CADPS: variants seen among roughly 807,000 people sequenced by gnomAD.
CADPS encodes calcium-dependent secretion activator 1.
Under a neutral mutation model 167.3 loss-of-function variants are expected in CADPS, and 57 were observed. The ratio of observed to expected loss-of-function variants is 0.34; its 90% CI spans 0.28 to 0.42. The LOEUF is 0.42. Ranked by LOEUF, CADPS falls within the 20% of genes least tolerant of loss-of-function variation. The pLI is 1.00. For synonymous variants in CADPS, 676 were observed against 635.3 expected (o/e 1.06, Z -0.96); for missense variants, 1,414 against 1,738.1 (o/e 0.81, Z 3.32).
chr3:62,511,778 C>T (rs2067890459), intron 17 of CADPS, among the ~76,000 whole-genome samples: 1 of 152,056 alleles, frequency 6.6e-6, no homozygotes, highest in South Asian at 2.1e-4. Flanking sequence ...CATATATAGA[C>T]CCATTTGCAT....
At chr3:62,525,916 G>A (rs888067411) in intron 13 of CADPS, among the ~76,000 whole-genome samples, 12 of 152,122 alleles carry the variant, frequency 7.9e-5, no homozygotes, top group African/African-American at 2.4e-4. Context: ...GTGGTCCAGA[G>A]GAGAGAAGAT....
chr3:62,836,903 G>T (rs2075978316), intron 1 of CADPS, among the ~76,000 whole-genome samples: 1 of 152,226 alleles, frequency 6.6e-6, no homozygotes, highest in Non-Finnish European at 1.5e-5. Context: ...GATGTCTATA[G>T]TAATTAAGTT....
chr3:62,572,366 AC>A (rs1407233227), intron 8 of CADPS, among the ~76,000 whole-genome samples: 1 of 151,590 alleles, frequency 6.6e-6, no homozygotes, highest in Non-Finnish European at 1.5e-5. Context: ...TTCAGTCCCC[AC>A]CCACATTTTT....
At position 62,412,137 on chromosome 3, in the gene CADPS, G is replaced by A. The variant is rs2049068409; in HGVS notation, c.3778-8952C>T. Among the ~76,000 whole-genome samples, 1 of 142,896 alleles carries A rather than the reference G, an allele frequency of 7.0e-6. No individual in the cohort carries two copies. The highest frequency in any genetic ancestry group is 1.5e-5 in the Non-Finnish European group (1 of 65,762). The allele number at this position is 142,896 out of a possible 152,430, so 93.7% of individuals were successfully genotyped here. A position where few individuals can be genotyped will look rare whatever the true frequency, so the allele number is the denominator to read the frequency against. On this transcript the variant is annotated intron_variant, in intron 28 of 29. Coordinates refer to ENST00000383710, the MANE Select transcript of CADPS (RefSeq NM_003716.4). This position sits in a 1 kb window ranked among gnomAD's most constrained non-coding sequence, Gnocchi z 4.1. ...GCTGCCCTAAGTGTCATTTTTAGTT[G>A]AGGGTAGGATTTTTTTTTTTTTTTT...
intron 26 of CADPS, among the ~76,000 whole-genome samples, chr3:62,459,969 A>G (rs959862021): frequency 1.3e-5 from 2 of 152,180 alleles, no homozygotes; most frequent in African/African-American, 4.8e-5. Context: ...TGAAAAATAG[A>G]TGACTCTTTC....
intron 7 of CADPS, among the ~76,000 whole-genome samples, chr3:62,589,138 T>C (rs1218134816): frequency 1.3e-5 from 2 of 151,944 alleles, no homozygotes; most frequent in African/African-American, 2.4e-5. Context: ...CAAAAAGTGG[T>C]TGAATAAGTA....
intron 22 of CADPS, among the ~76,000 whole-genome samples, chr3:62,480,236 T>C (rs945539659): frequency 1.4e-4 from 21 of 152,342 alleles, no homozygotes; most frequent in Middle Eastern, 3.4e-3. Flanking sequence ...CGGAGACCAT[T>C]ATCTGCTTTA....
chr3:62,741,533 T>C (rs1233478039), intron 3 of CADPS, among the ~76,000 whole-genome samples: 4 of 152,208 alleles, frequency 2.6e-5, no homozygotes, highest in African/African-American at 4.8e-5. Flanking sequence ...CACATGACTA[T>C]CTCAATAGAT....
chr3:62,465,048 C>G lies in CADPS; in HGVS notation c.3636+319G>C, dbSNP rs1476231260. 6.6e-6 allele frequency among the ~76,000 whole-genome samples: 1 copy of G among 152,084 alleles called. No homozygotes were observed. Among genetic ancestry groups the G allele is most frequent in the Non-Finnish European group, 1.5e-5 (1 of 68,014 alleles). On this transcript the variant is annotated intron_variant, in intron 26 of 29. Transcript: ENST00000383710. The surrounding 1 kb of genome is among the most constrained non-coding windows in gnomAD (Gnocchi z 4.1). ...TTATTTACAGATGAGGAAATGGTGGCCCACATTAAGTCATTTGCCAGAGCT... is the reference window on the plus strand; with the variant it reads ...TTATTTACAGATGAGGAAATGGTGGGCCACATTAAGTCATTTGCCAGAGCT...
intron 3 of CADPS, among the ~76,000 whole-genome samples, chr3:62,716,814 A>G (rs2084745533): frequency 6.6e-6 from 1 of 152,200 alleles, no homozygotes; most frequent in Non-Finnish European, 1.5e-5. Flanking sequence ...TGGAGACATC[A>G]CAAGATCTTG....
chr3:62,438,166 G>A lies in CADPS; in HGVS notation c.3715C>T (p.His1239Tyr). The change falls in exon 28 of 30, where the codon CAT becomes TAT. Residue 1239 changes from histidine (H) to tyrosine (Y), a missense_variant. Transcript: ENST00000383710. The surrounding 1 kb of genome is among the most constrained non-coding windows in gnomAD (Gnocchi z 4.7). ...VADAYVTFVR[H>Y]SQDVLRDKVN... ...TTATCACGCAGGACATCCTGAGAAT[G>A]GCGGACGAAAGTCACGTAGGCGTCG... 6.2e-7 allele frequency: 1 copy of A among 1,613,706 alleles called. No individual in the cohort carries two copies.
At chr3:62,428,063 A>T (rs962882168) in intron 28 of CADPS, among the ~76,000 whole-genome samples, 1 of 152,170 alleles carries the variant, frequency 6.6e-6, no homozygotes, top group Non-Finnish European at 1.5e-5. Flanking sequence ...ATGGCAAGTG[A>T]CACTATCATT....
chr3:62,795,359 C>T (rs1238688087), intron 1 of CADPS, among the ~76,000 whole-genome samples: 1 of 152,108 alleles, frequency 6.6e-6, no homozygotes, highest in Non-Finnish European at 1.5e-5. Context: ...AAAAAATACT[C>T]TTGTTAGCAT....
chr3:62,786,889 TG>T (rs1332680432), intron 1 of CADPS, among the ~76,000 whole-genome samples: 29 of 152,102 alleles, frequency 1.9e-4, no homozygotes, highest in African/African-American at 7.0e-4. Flanking sequence ...GAGTAGTTGG[TG>T]GGTAGAATTG....
intron 1 of CADPS, among the ~76,000 whole-genome samples, chr3:62,786,189 G>A: frequency 6.6e-6 from 1 of 152,008 alleles, no homozygotes; most frequent in East Asian, 1.9e-4. Flanking sequence ...TTCCAGCCTG[G>A]GGGACAGAGC....
chr3:62,567,478 T>C (rs1236657193), intron 9 of CADPS, among the ~76,000 whole-genome samples: 3 of 148,850 alleles, frequency 2.0e-5, no homozygotes, highest in Non-Finnish European at 4.5e-5. Flanking sequence ...AGGCCAGGCA[T>C]GCTCCCAAGT....
intron 6 of CADPS, among the ~76,000 whole-genome samples, chr3:62,638,307 C>G (rs935844254): frequency 6.6e-6 from 1 of 151,916 alleles, no homozygotes; most frequent in Non-Finnish European, 1.5e-5. Flanking sequence ...AGAATTTCCC[C>G]CTCATTCTAT....
intron 28 of CADPS, among the ~76,000 whole-genome samples, chr3:62,408,622 G>A (rs60052335): frequency 0.025 from 3,801 of 152,160 alleles, 80 homozygotes; most frequent in African/African-American, 0.058. Context: ...TTGCTACTGC[G>A]GTTATGTCTT....
At chr3:62,685,771 C>A (rs1435617629) in intron 3 of CADPS, among the ~76,000 whole-genome samples, 4 of 151,966 alleles carry the variant, frequency 2.6e-5, no homozygotes, top group Non-Finnish European at 5.9e-5. Context: ...TCATAAGGAA[C>A]ACACAACCTA....
Sources: gnomAD v4.1 joint callset for allele counts (sites outside exome capture counted in the v4.1 genomes callset) on GRCh38, gnomAD v4.1.1 for gene constraint, Gnocchi (gnomAD v3.1) non-coding constraint, MANE v1.5 for transcripts, NCBI Gene and HGNC (gene_info 2026-07-23, HGNC 2026-07-21) for gene names.